Variants in PAK2 observed in about 807,000 individuals in gnomAD.
The protein encoded by PAK2 is serine/threonine-protein kinase PAK 2.
PAK2 carries 21 observed loss-of-function variants against 65.9 expected under a neutral mutation model. The ratio of observed to expected loss-of-function variants is 0.32; its 90% CI spans 0.23 to 0.46. The LOEUF is 0.46. Ranked by LOEUF, PAK2 falls within the 20% of genes least tolerant of loss-of-function variation. The probability of loss-of-function intolerance (pLI) is 1.00; values close to 1 mark genes in which losing one functional copy is unlikely to be tolerated. For missense variants in PAK2, 324 were observed against 642.6 expected (o/e 0.50, Z 5.36); for synonymous variants, 204 against 219.7 (o/e 0.93, Z 0.63).
chr3:196,760,526 C>T (rs1379790947), intron 1 of PAK2, among the ~76,000 whole-genome samples: 1 of 152,190 alleles, frequency 6.6e-6, no homozygotes, highest in Non-Finnish European at 1.5e-5. Flanking sequence ...GCTGGGATTA[C>T]AGGTGTGAGC....
intron 13 of PAK2, among the ~76,000 whole-genome samples, chr3:196,823,459 C>G (rs1305154129): frequency 2.6e-5 from 4 of 152,066 alleles, no homozygotes; most frequent in African/African-American, 4.8e-5. Flanking sequence ...CAGCGCCAAG[C>G]TCCTATCAGC....
At position 196,831,556 on chromosome 3, in the gene PAK2, A is replaced by G. The variant is rs545383482; in HGVS notation, c.*3151A>G. The G allele has an allele frequency of 2.0e-5, 3 of 152,224 alleles. No individual in the cohort carries two copies. The highest frequency in any genetic ancestry group is 4.4e-5 in the Non-Finnish European group (3 of 68,032). The allele number at this position is 152,224 out of a possible 1,614,324, so 9.4% of individuals were successfully genotyped here. On this transcript the variant is annotated 3_prime_UTR_variant, in exon 15 of 15. Transcript: ENST00000327134. Reference sequence around the variant, plus strand: ...TTAACATAGAAGTGTCCAGCTGCGTACAGTCTAGTAACCAGCAACTGTAAA... The same window carrying G: ...TTAACATAGAAGTGTCCAGCTGCGTGCAGTCTAGTAACCAGCAACTGTAAA...
At chr3:196,808,224 A>G (rs1418374394) in intron 7 of PAK2, among the ~76,000 whole-genome samples, 7 of 152,066 alleles carry the variant, frequency 4.6e-5, no homozygotes, top group African/African-American at 1.2e-4. Context: ...GGCTGAGGCA[A>G]GAGAATCACT....
At chr3:196,776,977 G>A (rs1159367022) in intron 1 of PAK2, among the ~76,000 whole-genome samples, 1 of 152,138 alleles carries the variant, frequency 6.6e-6, no homozygotes, top group Non-Finnish European at 1.5e-5. Flanking sequence ...GTAAATTTCA[G>A]CTAAAACAAC....
intron 2 of PAK2, among the ~76,000 whole-genome samples, chr3:196,797,880 C>G (rs1323839797): frequency 6.6e-6 from 1 of 152,020 alleles, no homozygotes; most frequent in East Asian, 1.9e-4. Context: ...AAGCACTTCA[C>G]AAATAAAAAG....
chr3:196,792,527 T>C (rs1715105993), intron 2 of PAK2, among the ~76,000 whole-genome samples: 2 of 152,206 alleles, frequency 1.3e-5, no homozygotes, highest in African/African-American at 4.8e-5. Flanking sequence ...TTAAGTTACA[T>C]GCCTAGAGAG....
intron 2 of PAK2, among the ~76,000 whole-genome samples, chr3:196,790,695 G>A (rs6806591): frequency 0.099 from 15,036 of 152,188 alleles, 992 homozygotes; most frequent in African/African-American, 0.19. Flanking sequence ...CTGAGAGTCC[G>A]GGCCACTTAC....
chr3:196,821,087 C>T (rs1482326650), intron 13 of PAK2, among the ~76,000 whole-genome samples: 5 of 152,106 alleles, frequency 3.3e-5, no homozygotes, highest in Admixed American at 1.3e-4. Flanking sequence ...TTGATCCACT[C>T]GCCTCGGCTT....
intron 2 of PAK2, chr3:196,785,181 G>A (rs978434281): frequency 5.3e-5 from 8 of 152,142 alleles, no homozygotes; most frequent in Non-Finnish European, 1.0e-4. Context: ...TATAGTGGAC[G>A]ACACTAAATG....
At chr3:196,744,453 C>T (rs1185840239) in intron 1 of PAK2, among the ~76,000 whole-genome samples, 2 of 152,126 alleles carry the variant, frequency 1.3e-5, no homozygotes, top group Non-Finnish European at 2.9e-5. Context: ...GCAGGAGGAT[C>T]ACCTGAGCTC....
At position 196,820,902 on chromosome 3, in the gene PAK2, C is replaced by T. The variant is rs1711622760; in HGVS notation, c.1350+335C>T. 6.6e-6 allele frequency among the ~76,000 whole-genome samples: 1 copy of T among 152,102 alleles called. No homozygotes were observed. Among genetic ancestry groups the T allele is most frequent in the Admixed American group, 6.6e-5 (1 of 15,254 alleles). On this transcript the variant is annotated intron_variant, in intron 13 of 14. Coordinates refer to ENST00000327134, the MANE Select transcript of PAK2 (RefSeq NM_002577.4). This position sits in a 1 kb window ranked among gnomAD's most constrained non-coding sequence, Gnocchi z 4.6. ...TTGCCTATTCTAGAATGCAGTGGCGCAATCTCAGCTCACTGCAACCGCCAC... is the reference window on the plus strand; with the variant it reads ...TTGCCTATTCTAGAATGCAGTGGCGTAATCTCAGCTCACTGCAACCGCCAC...
At chr3:196,811,315 T>TTTCC (rs372688361) in intron 8 of PAK2, among the ~76,000 whole-genome samples, 9 of 1,054 alleles carry the variant, frequency 8.5e-3, no homozygotes, top group South Asian at 0.036. Flanking sequence ...CTTCCCTTCC[T>TTTCC]TTCCTTCCTT....
At chr3:196,778,566 A>G (rs141931403) in intron 1 of PAK2, among the ~76,000 whole-genome samples, 127 of 152,340 alleles carry the variant, frequency 8.3e-4, no homozygotes, top group Admixed American at 1.6e-3. Context: ...GCTTCCTCTA[A>G]TGTTAACATC....
chr3:196,759,498 G>GTTTTTGTTTTTTT (rs1713882169), intron 1 of PAK2, among the ~76,000 whole-genome samples: 1 of 108,116 alleles, frequency 9.2e-6, no homozygotes, highest in Non-Finnish European at 1.8e-5. Flanking sequence ...GGTTTTTTTT[G>GTTTTTGTTTTTTT]TTTTTTTTTT....
In PAK2 at chr3:196,749,844, TAG is replaced by T. The variant is rs763484167; in HGVS notation, c.-22+9690_-22+9691del. On this transcript the variant is annotated intron_variant, in intron 1 of 14. Transcript: ENST00000327134. The stretch of plus-strand genomic sequence containing the variant: ...ATTGTTTTCTGTTTTTTTTTTGAGA[TAG>T]AGTCTTGCTCTGTTGCCTGGGCTGG... Among the ~76,000 whole-genome samples, 66 of 151,714 alleles carry T rather than the reference TAG, an allele frequency of 4.4e-4. 2 individuals are homozygous for T. Among genetic ancestry groups the T allele is most frequent in the Non-Finnish European group, 4.6e-4 (31 of 67,954 alleles).
chr3:196,772,264 T>C (rs1323769045), intron 1 of PAK2, among the ~76,000 whole-genome samples: 2 of 152,214 alleles, frequency 1.3e-5, no homozygotes, highest in South Asian at 2.1e-4. Flanking sequence ...TTAGGCAGAC[T>C]GGGTTTTACT....
intron 5 of PAK2, among the ~76,000 whole-genome samples, chr3:196,806,057 G>A (rs1432365289): frequency 1.3e-5 from 2 of 151,692 alleles, no homozygotes; most frequent in African/African-American, 4.8e-5. Context: ...GACTACAGGC[G>A]CCTGCCACCA....
intron 13 of PAK2, among the ~76,000 whole-genome samples, chr3:196,825,167 G>A (rs984803637): frequency 6.6e-6 from 1 of 151,202 alleles, no homozygotes; most frequent in African/African-American, 2.4e-5. Context: ...CCAATGTGGT[G>A]AAACCCCACC....
intron 6 of PAK2, among the ~76,000 whole-genome samples, chr3:196,807,215 G>T (rs1234784754): frequency 1.3e-5 from 2 of 152,168 alleles, no homozygotes; most frequent in Admixed American, 1.3e-4. Context: ...ACTGCAGGTA[G>T]AGTGTGCGGA....
Sources: gnomAD v4.1 joint callset for allele counts (sites outside exome capture counted in the v4.1 genomes callset) on GRCh38, gnomAD v4.1.1 for gene constraint, Gnocchi (gnomAD v3.1) non-coding constraint, MANE v1.5 for transcripts, NCBI Gene and HGNC (gene_info 2026-07-23, HGNC 2026-07-21) for gene names.